CELF2: variants seen among roughly 807,000 people sequenced by gnomAD.
CELF2 encodes CUGBP Elav-like family member 2, also known as CUG triplet repeat RNA-binding protein 2.
A neutral mutation model predicts 62.6 loss-of-function variants in CELF2; 8 were observed. The ratio of observed to expected loss-of-function variants is 0.13; its 90% CI spans 0.07 to 0.23. The LOEUF is 0.23. Ranked by LOEUF, CELF2 falls within the 10% of genes least tolerant of loss-of-function variation. The pLI is 1.00. For synonymous variants in CELF2, 258 were observed against 250.0 expected, an observed-to-expected ratio of 1.03 and a Z score of -0.30; for missense variants, 333 against 671.0, an observed-to-expected ratio of 0.50 and a Z score of 5.56.
At chr10:11,014,783 C>T (rs1300465836), upstream of CELF2, among the ~76,000 whole-genome samples, 1 of 152,090 alleles carries the variant, frequency 6.6e-6, no homozygotes, top group Non-Finnish European at 1.5e-5. Flanking sequence ...AGAAACTTTC[C>T]CTTGAAGTGC....
chr10:10,678,267 A>G, the CELF2 span, among the ~76,000 whole-genome samples: 2 of 152,284 alleles, frequency 1.3e-5, no homozygotes, highest in South Asian at 4.2e-4. Flanking sequence ...TGATATTTTA[A>G]GAAGTTAAAT....
chr10:11,218,586 C>A (rs570751987), intron 3 of CELF2, among the ~76,000 whole-genome samples: 29 of 152,302 alleles, frequency 1.9e-4, no homozygotes, highest in South Asian at 1.9e-3. Context: ...TTCTTCATCA[C>A]CCAAAAGTCA....
At chr10:11,030,611 C>G (rs947271306) in intron 1 of CELF2, 8 of 152,244 alleles carry the variant, frequency 5.3e-5, no homozygotes, top group Non-Finnish European at 8.8e-5. Context: ...TGAGGTTGCA[C>G]CTCTGTTCCT....
Position 11,321,379 on chromosome 10 carries a change from G to A in CELF2, c.1287G>A (p.Gln429=), listed in dbSNP as rs1393262396. 6 of 1,605,122 alleles carry A rather than the reference G, an allele frequency of 3.7e-6. No homozygotes were observed. The highest frequency in any genetic ancestry group is 2.2e-5 in the East Asian group (1 of 44,872). Residue 429 remains glutamine, a synonymous_variant, in exon 11 of 13, where the codon CAG becomes CAA. Transcript: ENST00000633077. This position sits in a 1 kb window ranked among gnomAD's most constrained non-coding sequence, Gnocchi z 6.2. The stretch of plus-strand genomic sequence containing the variant: ...AGCAGCAGAGCGCTGCAGGCAGCCA[G>A]AAGGAAGGTAGGTGCCGCCCTTGGC... ...LLQQQSAAGS[Q]KEGPEGANLF... is the part of the protein sequence containing the mutation.
In CELF2 at chr10:11,302,387, C is replaced by T. The variant is rs926851710; in HGVS notation, c.977-11752C>T. ...AGATGCCCAAGCCCCACAACCAGAG[C>T]GTCTGACTCAGCGGGAGTGAGGGGA... is the stretch of plus-strand genomic sequence containing the variant. On this transcript the variant is annotated intron_variant, in intron 9 of 12. Coordinates refer to ENST00000633077, the MANE Select transcript of CELF2 (RefSeq NM_001326342.2). This position sits in a 1 kb window ranked among gnomAD's most constrained non-coding sequence, Gnocchi z 5.0. 1.3e-4 allele frequency among the ~76,000 whole-genome samples: 20 copies of T among 152,328 alleles called. No individual in the cohort carries two copies. Among genetic ancestry groups the T allele is most frequent in the Non-Finnish European group, 2.4e-4 (16 of 68,032 alleles).
At chr10:11,181,441 T>G (rs1487162252) in intron 2 of CELF2, among the ~76,000 whole-genome samples, 3 of 152,214 alleles carry the variant, frequency 2.0e-5, no homozygotes, top group African/African-American at 7.2e-5. Flanking sequence ...ACTGAATTAT[T>G]CCTTCAACAT....
At chr10:10,479,068 A>G in the CELF2 span, among the ~76,000 whole-genome samples, 5 of 152,068 alleles carry the variant, frequency 3.3e-5, no homozygotes, top group Non-Finnish European at 5.9e-5. Flanking sequence ...CTTTTTCTTC[A>G]AGCAAGGACT....
upstream of CELF2, among the ~76,000 whole-genome samples, chr10:11,014,289 A>G (rs979630428): frequency 1.3e-5 from 2 of 152,228 alleles, no homozygotes; most frequent in Admixed American, 6.5e-5. Context: ...TTTGTTCTGT[A>G]GTTGAAGGGC....
Position 10,995,048 on chromosome 10 carries a change from C to T in CELF2, c.89+75049C>T, listed in dbSNP as rs568016673. Among the ~76,000 whole-genome samples the T allele has an allele frequency of 4.6e-5, 7 of 152,270 alleles. No homozygotes were observed. The highest frequency in any genetic ancestry group is 3.9e-4 in the East Asian group (2 of 5,170). On this transcript the variant is annotated intron_variant, in intron 2 of 13. Coordinates refer to the CELF2 transcript ENST00000636488. The surrounding 1 kb of genome is among the most constrained non-coding windows in gnomAD (Gnocchi z 4.7). ...CACCTGCCCTTCCTTGGAGCTCTTG[C>T]GGCCCATAAAATCCCACAGCATTAG...
intron 2 of CELF2, among the ~76,000 whole-genome samples, chr10:11,212,359 G>C (rs1379599194): frequency 2.0e-5 from 3 of 152,136 alleles, no homozygotes; most frequent in African/African-American, 7.2e-5. Context: ...TGCCTTCACA[G>C]ACAATGCTCT....
At chr10:11,113,387 C>T (rs369350802) in intron 1 of CELF2, among the ~76,000 whole-genome samples, 70 of 152,084 alleles carry the variant, frequency 4.6e-4, no homozygotes, top group African/African-American at 1.0e-3. Context: ...TTGGGGGCAC[C>T]GAATGTTATA....
chr10:11,204,945 G>T (rs922507092), intron 2 of CELF2, among the ~76,000 whole-genome samples: 1 of 152,176 alleles, frequency 6.6e-6, no homozygotes, highest in Non-Finnish European at 1.5e-5. Flanking sequence ...CTCCTTAGCC[G>T]TAGGTTTTAT....
At chr10:10,559,897 A>G in the CELF2 span, among the ~76,000 whole-genome samples, 12,189 of 152,196 alleles carry the variant, frequency 0.08, 1,281 homozygotes, top group African/African-American at 0.24. Flanking sequence ...ATTTGCACTA[A>G]AATCGTTATT....
chr10:10,545,270 T>C, the CELF2 span, among the ~76,000 whole-genome samples: 1 of 152,232 alleles, frequency 6.6e-6, no homozygotes, highest in Non-Finnish European at 1.5e-5. Context: ...GTTGTATGTA[T>C]GTGTGCTGGT....
chr10:10,853,502 A>C (rs1473644005), intron 1 of CELF2, among the ~76,000 whole-genome samples: 1 of 152,234 alleles, frequency 6.6e-6, no homozygotes, highest in East Asian at 1.9e-4. Context: ...CATCTCTGGA[A>C]GTCTAGGAAA....
the CELF2 span, among the ~76,000 whole-genome samples, chr10:10,724,389 C>T: frequency 6.6e-6 from 1 of 152,082 alleles, no homozygotes; most frequent in Non-Finnish European, 1.5e-5. Flanking sequence ...AGCATGGTGG[C>T]TCATGCCTGT....
At chr10:10,896,697 A>C (rs1379522068) in intron 1 of CELF2, among the ~76,000 whole-genome samples, 1 of 152,186 alleles carries the variant, frequency 6.6e-6, no homozygotes, top group Non-Finnish European at 1.5e-5. Flanking sequence ...GGAAGAGACA[A>C]GATGTTACTC....
At chr10:10,935,997 C>CAA (rs776115220) in intron 2 of CELF2, among the ~76,000 whole-genome samples, 183 of 129,848 alleles carry the variant, frequency 1.4e-3, no homozygotes, top group African/African-American at 4.5e-3. Flanking sequence ...ACTAAAAATA[C>CAA]AAAAAAAAAA....
chr10:10,759,305 T>C, the CELF2 span, among the ~76,000 whole-genome samples: 2,579 of 92,458 alleles, frequency 0.028, 57 homozygotes, highest in Non-Finnish European at 0.039. Context: ...TCTTTTTTTT[T>C]TTTTTTTTTT....
Sources: allele counts gnomAD v4.1 joint callset (sites outside exome capture counted in the v4.1 genomes callset), GRCh38; gene constraint gnomAD v4.1.1; non-coding constraint Gnocchi (gnomAD v3.1); transcripts MANE v1.5; gene names NCBI Gene and HGNC (gene_info 2026-07-23, HGNC 2026-07-21).